Variants in AHI1 observed in about 807,000 individuals in gnomAD.
AHI1 encodes the protein jouberin.
AHI1 carries 123 observed loss-of-function variants against 149.3 expected under a neutral mutation model. The observed-to-expected ratio is 0.82, with a 90% CI of 0.71 to 0.96. The LOEUF is 0.96. Among genes scored for constraint, AHI1 ranks in the 40% least tolerant of loss-of-function variants. AHI1 has a pLI of 0.00. For missense variants in AHI1, 1,439 were observed against 1,422.7 expected, an observed-to-expected ratio of 1.01 and a Z score of -0.18; for synonymous variants, 475 against 459.8, an observed-to-expected ratio of 1.03 and a Z score of -0.42.
intron 23 of AHI1, among the ~76,000 whole-genome samples, chr6:135,377,151 A>C (rs77308293): frequency 0.02 from 2,969 of 152,224 alleles, 93 homozygotes; most frequent in African/African-American, 0.067. Context: ...AGGTATGATA[A>C]TGGTACTGTG....
At chr6:135,485,150 T>A (rs982499259) in intron 5 of AHI1, among the ~76,000 whole-genome samples, 27 of 152,044 alleles carry the variant, frequency 1.8e-4, no homozygotes, top group African/African-American at 5.1e-4. Context: ...CTAGGCTCAC[T>A]GAAACCTCCA....
chr6:135,333,756 T>C (rs1045242074), intron 24 of AHI1, among the ~76,000 whole-genome samples: 7 of 152,184 alleles, frequency 4.6e-5, no homozygotes, highest in African/African-American at 1.7e-4. Flanking sequence ...TCCAGTCCTG[T>C]GTAGGCCTCC....
chr6:135,346,428 C>A (rs1485514240), intron 24 of AHI1, among the ~76,000 whole-genome samples: 4 of 151,986 alleles, frequency 2.6e-5, no homozygotes, highest in Non-Finnish European at 5.9e-5. Flanking sequence ...TCTCGATCTC[C>A]TGACCTCGTG....
rs1791000998 is a variant in AHI1, at chr6:135,467,646, G to C, written c.136-12C>G. On this transcript the variant is annotated splice_polypyrimidine_tract_variant and intron_variant, in intron 5 of 28. Transcript: ENST00000265602. ...CTAATAGTGTCAGGCTAAAAAGGAA[G>C]ACATAATAAAGTTTCAGCTAAGCGT... The C allele has an allele frequency of 2.5e-6, 4 of 1,589,544 alleles. No homozygotes were observed. The highest frequency in any genetic ancestry group is 3.4e-6 in the Non-Finnish European group (4 of 1,162,916).
At chr6:135,309,195 T>C (rs1784861557) in intron 26 of AHI1, among the ~76,000 whole-genome samples, 1 of 152,164 alleles carries the variant, frequency 6.6e-6, no homozygotes, top group Non-Finnish European at 1.5e-5. Flanking sequence ...GCGTAGGTCA[T>C]TTCAGGACTC....
intron 24 of AHI1, among the ~76,000 whole-genome samples, chr6:135,353,540 T>G (rs1470361101): frequency 6.6e-6 from 1 of 152,136 alleles, no homozygotes; most frequent in African/African-American, 2.4e-5. Flanking sequence ...ATATTTTACA[T>G]GAATATATGT....
chr6:135,334,849 C>A (rs1170624997), intron 24 of AHI1, among the ~76,000 whole-genome samples: 1 of 152,162 alleles, frequency 6.6e-6, no homozygotes, highest in Non-Finnish European at 1.5e-5. Flanking sequence ...AGCAACATCA[C>A]CTGGAAACTT....
intron 24 of AHI1, among the ~76,000 whole-genome samples, chr6:135,337,583 A>T (rs970597660): frequency 7.3e-5 from 11 of 151,534 alleles, no homozygotes; most frequent in African/African-American, 2.7e-4. Context: ...ACAAAGTGAG[A>T]CCCCTATCTC....
chr6:135,444,607 CT>C (rs1267790784), intron 13 of AHI1, among the ~76,000 whole-genome samples: 1 of 152,232 alleles, frequency 6.6e-6, no homozygotes, highest in African/African-American at 2.4e-5. Flanking sequence ...GTAGTTCAGT[CT>C]TCATATCTGC....
intron 8 of AHI1, among the ~76,000 whole-genome samples, chr6:135,459,118 A>G (rs185964054): frequency 1.1e-4 from 16 of 152,286 alleles, no homozygotes; most frequent in African/African-American, 3.6e-4. Flanking sequence ...ATATTTACCA[A>G]ATCTGACCAT....
chr6:135,349,405 A>G (rs1791734402), intron 24 of AHI1, among the ~76,000 whole-genome samples: 1 of 152,192 alleles, frequency 6.6e-6, no homozygotes, highest in Non-Finnish European at 1.5e-5. Flanking sequence ...GCTATATACT[A>G]CACGTGTTCT....
chr6:135,338,300 C>CAA (rs199794648), intron 24 of AHI1, among the ~76,000 whole-genome samples: 3 of 94,568 alleles, frequency 3.2e-5, no homozygotes, highest in East Asian at 3.0e-4. Flanking sequence ...AACTCCATCT[C>CAA]AAAAAAAAAA....
chr6:135,405,865 AAAAAAAAAAG>A (rs1184437832), intron 21 of AHI1, among the ~76,000 whole-genome samples: 5 of 151,314 alleles, frequency 3.3e-5, no homozygotes, highest in African/African-American at 9.7e-5. Flanking sequence ...AACTCAAAAA[AAAAAAAAAAG>A]AAAAAAAAAA....
At chr6:135,361,645 T>TCACA (rs57786531) in intron 23 of AHI1, among the ~76,000 whole-genome samples, 4,629 of 133,816 alleles carry the variant, frequency 0.035, 86 homozygotes, top group Admixed American at 0.044. Context: ...AGGTATGGTT[T>TCACA]CACACACACA....
At chr6:135,482,788 A>G (rs1793877290) in intron 5 of AHI1, among the ~76,000 whole-genome samples, 1 of 150,216 alleles carries the variant, frequency 6.7e-6, no homozygotes, top group Non-Finnish European at 1.5e-5. Flanking sequence ...GACATTATCA[A>G]TTTTATATTG....
At chr6:135,338,300 CAAAA>C (rs199794648) in intron 24 of AHI1, among the ~76,000 whole-genome samples, 6 of 94,568 alleles carry the variant, frequency 6.3e-5, no homozygotes, top group African/African-American at 2.0e-4. Flanking sequence ...AACTCCATCT[CAAAA>C]AAAAAAAAAA....
At position 135,492,323 on chromosome 6, in the gene AHI1, T is replaced by A. The variant is rs1465455174; in HGVS notation, c.-54-32A>T. The A allele has an allele frequency of 2.7e-6, 4 of 1,471,862 alleles. No individual in the cohort carries two copies. The African/African-American group carries it at 5.7e-5, about 21-fold the overall frequency. The allele number at this position is 1,471,862 out of a possible 1,614,324, so 91.2% of individuals were successfully genotyped here. ...AAACAAAGGAGATGTATTTGTAATATGGAACTTCCAAATAAAAATTATAAA... is the reference window on the plus strand; with the variant it reads ...AAACAAAGGAGATGTATTTGTAATAAGGAACTTCCAAATAAAAATTATAAA... On this transcript the variant is annotated intron_variant, in intron 3 of 28. Transcript: ENST00000265602.
intron 24 of AHI1, among the ~76,000 whole-genome samples, chr6:135,332,499 A>G (rs1788748662): frequency 6.6e-6 from 1 of 152,246 alleles, no homozygotes; most frequent in South Asian, 2.1e-4. Context: ...AATAAAAATT[A>G]CAAGCCATTG....
intron 23 of AHI1, among the ~76,000 whole-genome samples, chr6:135,390,011 G>GT (rs3838320): frequency 0.67 from 101,342 of 151,622 alleles, 35,269 homozygotes; most frequent in African/African-American, 0.88. Flanking sequence ...GTTTTTTTGT[G>GT]TTTTTTTTAT....
Sources: allele counts gnomAD v4.1 joint callset (sites outside exome capture counted in the v4.1 genomes callset), GRCh38; gene constraint gnomAD v4.1.1; transcripts MANE v1.5; gene names NCBI Gene and HGNC (gene_info 2026-07-23, HGNC 2026-07-21).